SND1: variants seen among roughly 807,000 people sequenced by gnomAD.
SND1 encodes the protein staphylococcal nuclease and tudor domain containing 1.
Under a neutral mutation model 121.7 loss-of-function variants are expected in SND1, and 38 were observed. The observed-to-expected ratio is 0.31, with a 90% CI of 0.24 to 0.41. The LOEUF is 0.41. Ranked by LOEUF, SND1 falls within the 10% of genes least tolerant of loss-of-function variation. The pLI is 1.00. For synonymous variants in SND1, 401 were observed against 447.4 expected (o/e 0.90, Z 1.31); for missense variants, 868 against 1,184.6 (o/e 0.73, Z 3.92).
chr7:127,850,396 C>G (rs1243674311), intron 12 of SND1, among the ~76,000 whole-genome samples: 2 of 152,206 alleles, frequency 1.3e-5, no homozygotes, highest in Admixed American at 6.5e-5. Context: ...GCCTAGTCAT[C>G]TTACCCAGAG....
intron 16 of SND1, among the ~76,000 whole-genome samples, chr7:128,036,891 C>CT (rs1792760598): frequency 6.6e-6 from 1 of 152,194 alleles, no homozygotes; most frequent in South Asian, 2.1e-4. Context: ...CTTTAATTGC[C>CT]TGTGTATAGC....
chr7:128,074,049 T>G (rs1416149424), intron 16 of SND1, among the ~76,000 whole-genome samples: 2 of 152,092 alleles, frequency 1.3e-5, no homozygotes, highest in Non-Finnish European at 2.9e-5. Flanking sequence ...TTAATTACCT[T>G]CATTAGACAC....
At chr7:127,717,492 C>T (rs1374087459) in intron 9 of SND1, among the ~76,000 whole-genome samples, 1 of 152,040 alleles carries the variant, frequency 6.6e-6, no homozygotes, top group African/African-American at 2.4e-5. Context: ...TTTGGTTGTG[C>T]TTAGGTGCCT....
At chr7:127,833,260 C>CTTTTT (rs35890438) in intron 11 of SND1, among the ~76,000 whole-genome samples, 7 of 97,302 alleles carry the variant, frequency 7.2e-5, no homozygotes, top group Non-Finnish European at 1.2e-4. Context: ...ATTGAACTGT[C>CTTTTT]TTTTTTTTTT....
chr7:127,960,014 T>C (rs893905597), intron 15 of SND1, among the ~76,000 whole-genome samples: 1 of 152,216 alleles, frequency 6.6e-6, no homozygotes. Flanking sequence ...TGCTATCTAT[T>C]CTTGCCCAGG....
At chr7:127,915,759 T>A (rs940679430) in intron 14 of SND1, among the ~76,000 whole-genome samples, 4 of 152,212 alleles carry the variant, frequency 2.6e-5, no homozygotes, top group African/African-American at 9.6e-5. Context: ...AAGAAGGAGT[T>A]AGCAGAAGAT....
intron 10 of SND1, among the ~76,000 whole-genome samples, chr7:127,730,819 G>GT (rs1174798802): frequency 6.6e-6 from 1 of 152,160 alleles, no homozygotes; most frequent in Non-Finnish European, 1.5e-5. Flanking sequence ...ATTATTCATA[G>GT]TTTGGGGATA....
At chr7:127,713,427 AATCCTAAAAAAGTTCTAAGAT>A (rs1229521028) in intron 9 of SND1, among the ~76,000 whole-genome samples, 1 of 152,232 alleles carries the variant, frequency 6.6e-6, no homozygotes, top group Non-Finnish European at 1.5e-5. Flanking sequence ...TTTTTCAGGG[AATCCTAAAAAAGTTCTAAGAT>A]ACCTGGGACC....
chr7:128,062,828 A>G (rs1793253017), intron 16 of SND1, among the ~76,000 whole-genome samples: 1 of 152,170 alleles, frequency 6.6e-6, no homozygotes, highest in Admixed American at 6.5e-5. Flanking sequence ...AGGGGTTGGC[A>G]TCCCAATCTA....
chr7:127,887,719 G>A (rs866870207), intron 12 of SND1, among the ~76,000 whole-genome samples, 183 bp from the exon 13 acceptor site: 5 of 152,000 alleles, frequency 3.3e-5, no homozygotes, highest in Middle Eastern at 3.4e-3. Flanking sequence ...CTGAGCTAGG[G>A]AACTTTGTTA....
chr7:127,822,472 G>A (rs1158889140), intron 11 of SND1, among the ~76,000 whole-genome samples: 2 of 151,974 alleles, frequency 1.3e-5, no homozygotes, highest in East Asian at 3.9e-4. Context: ...TACTAATACT[G>A]GTGATATTGT....
chr7:128,035,132 G>T (rs190956417), intron 16 of SND1, among the ~76,000 whole-genome samples: 1 of 152,364 alleles, frequency 6.6e-6, no homozygotes, highest in East Asian at 1.9e-4. Context: ...AATGAGCCCT[G>T]TGCTAAGATT....
intron 10 of SND1, among the ~76,000 whole-genome samples, chr7:127,805,740 T>C (rs1663589048): frequency 6.6e-6 from 1 of 152,194 alleles, no homozygotes; most frequent in African/African-American, 2.4e-5. Context: ...AAATGTAATA[T>C]CTGCTTTGAG....
At chr7:128,089,347 C>A in intron 21 of SND1, 142 bp from the exon 22 acceptor site, 1 of 750,196 alleles carries the variant, frequency 1.3e-6, no homozygotes, top group Non-Finnish European at 2.1e-6. Flanking sequence ...AGCCACCGTG[C>A]CTGGCCAACC....
intron 1 of SND1, among the ~76,000 whole-genome samples, chr7:127,654,855 T>C (rs1454725719): frequency 6.6e-6 from 1 of 152,202 alleles, no homozygotes; most frequent in African/African-American, 2.4e-5. Flanking sequence ...AAGCCTTGTC[T>C]GGAATGAAAA....
chr7:128,081,019 C>T (rs1022673195), intron 17 of SND1, among the ~76,000 whole-genome samples: 30 of 151,516 alleles, frequency 2.0e-4, no homozygotes, highest in Admixed American at 4.6e-4. Flanking sequence ...TTTTTTGAGA[C>T]GGAGTCTTGC....
intron 13 of SND1, among the ~76,000 whole-genome samples, chr7:127,895,865 C>G (rs1361301021): frequency 6.6e-6 from 1 of 152,008 alleles, no homozygotes; most frequent in Non-Finnish European, 1.5e-5. Context: ...CTGTTCACTC[C>G]CTCCATCCCA....
chr7:128,082,399 C>T (rs1170728317), intron 18 of SND1, among the ~76,000 whole-genome samples: 1 of 152,246 alleles, frequency 6.6e-6, no homozygotes, highest in African/African-American at 2.4e-5. Flanking sequence ...CTCCTCAGCC[C>T]ACCCCAGGTC....
chr7:127,734,655 A>C (rs1346970368), intron 10 of SND1, among the ~76,000 whole-genome samples: 1 of 152,134 alleles, frequency 6.6e-6, no homozygotes, highest in African/African-American at 2.4e-5. Flanking sequence ...ATCCTCAAGC[A>C]CCTTCTGAAC....
Sources: gnomAD v4.1 joint callset for allele counts (sites outside exome capture counted in the v4.1 genomes callset) on GRCh38, gnomAD v4.1.1 for gene constraint, MANE v1.5 for transcripts, NCBI Gene and HGNC (gene_info 2026-07-23, HGNC 2026-07-21) for gene names.